The following FAAH2 variants were observed in gnomAD, a reference collection of about 807,000 sequenced individuals.
FAAH2 encodes the protein fatty acid amide hydrolase 2.
A neutral mutation model predicts 36.9 loss-of-function variants in FAAH2; 60 were observed. The observed-to-expected ratio is 1.63, with a 90% CI of 1.32 to 2.02. The LOEUF (loss-of-function observed/expected upper bound fraction) is 2.02, where lower values mean the gene tolerates loss of function less well. Ranked by LOEUF, FAAH2 falls within the 30% of genes most tolerant of loss-of-function variation. FAAH2 has a pLI of 0.00. For missense variants in FAAH2, 689 were observed against 397.5 expected (o/e 1.73, Z -6.23); for synonymous variants, 214 against 143.8 (o/e 1.49, Z -3.49).
the FAAH2 span, among the ~76,000 whole-genome samples, chrX:57,211,415 C>A: frequency 1.9e-3 from 208 of 111,641 alleles, no homozygotes; most frequent in Non-Finnish European, 3.0e-3. Context: ...GAGTGTGATC[C>A]TGCCTTGCCT....
At chrX:57,462,561 A>G (rs1017202490) in intron 10 of FAAH2, among the ~76,000 whole-genome samples, 2 of 112,624 alleles carry the variant, frequency 1.8e-5, no homozygotes, top group African/African-American at 6.5e-5. Context: ...TAAAAAACAC[A>G]TGATTATCTC....
At chrX:57,150,212 G>T in the FAAH2 span, among the ~76,000 whole-genome samples, 1 of 112,020 alleles carries the variant, frequency 8.9e-6, no homozygotes. Flanking sequence ...GGTGTGATGT[G>T]GTGCTGAAAA....
the FAAH2 span, among the ~76,000 whole-genome samples, chrX:57,165,694 TAATA>T: frequency 3.6e-5 from 4 of 110,350 alleles, no homozygotes; most frequent in East Asian, 1.1e-3. Flanking sequence ...AGTATAGTAA[TAATA>T]AATATATAAA....
chrX:57,349,605 G>A (rs1470714334), intron 5 of FAAH2, among the ~76,000 whole-genome samples: 1 of 104,677 alleles, frequency 9.6e-6, no homozygotes, highest in Non-Finnish European at 2.0e-5. Context: ...ATTAATTTAA[G>A]GAAATACAAA....
chrX:57,470,251 G>T (rs966100154), intron 10 of FAAH2, among the ~76,000 whole-genome samples: 1 of 111,007 alleles, frequency 9.0e-6, no homozygotes, highest in African/African-American at 3.3e-5. Flanking sequence ...ACTCAGATCA[G>T]AGAAAAACTG....
At chrX:57,351,043 TTCA>T (rs2053985529) in intron 5 of FAAH2, among the ~76,000 whole-genome samples, 1 of 111,492 alleles carries the variant, frequency 9.0e-6, no homozygotes, top group Non-Finnish European at 1.9e-5. Context: ...ATACATTCTT[TTCA>T]TCAACACATC....
At chrX:57,167,154 C>T in the FAAH2 span, among the ~76,000 whole-genome samples, 2 of 111,613 alleles carry the variant, frequency 1.8e-5, no homozygotes, top group South Asian at 7.6e-4. Context: ...GCTTTGCAAA[C>T]GTCTCTAGTT....
the FAAH2 span, among the ~76,000 whole-genome samples, chrX:57,259,329 T>C: frequency 1.8e-5 from 2 of 111,729 alleles, no homozygotes; most frequent in African/African-American, 6.5e-5. Flanking sequence ...TTATTTGCAA[T>C]AGCTAAGATA....
At chrX:57,279,484 G>A in the FAAH2 span, among the ~76,000 whole-genome samples, 1 of 111,577 alleles carries the variant, frequency 9.0e-6, no homozygotes, top group Non-Finnish European at 1.9e-5. Context: ...GATAACATTA[G>A]GAGAAATACC....
At chrX:57,428,865 A>C (rs1010525052) in intron 7 of FAAH2, among the ~76,000 whole-genome samples, 9 of 112,364 alleles carry the variant, frequency 8.0e-5, no homozygotes, top group Non-Finnish European at 1.5e-4. Flanking sequence ...ACAAATGCAC[A>C]ATACCAAAAA....
At chrX:57,393,634 A>G in intron 7 of FAAH2, 1 of 938,330 alleles carries the variant, frequency 1.1e-6, no homozygotes, top group Non-Finnish European at 1.5e-6. Flanking sequence ...TCACCCCCAG[A>G]TCTTCAGCAC....
At chrX:57,441,998 C>T (rs1248708321) in intron 8 of FAAH2, among the ~76,000 whole-genome samples, 7 of 111,529 alleles carry the variant, frequency 6.3e-5, no homozygotes, top group African/African-American at 2.3e-4. Context: ...TTCTGTTCTT[C>T]TACATTTGCT....
chrX:57,374,255 C>T (rs749486019), intron 5 of FAAH2, among the ~76,000 whole-genome samples: 1 of 111,464 alleles, frequency 9.0e-6, no homozygotes, highest in Non-Finnish European at 1.9e-5. Flanking sequence ...GAAGAATGAT[C>T]ATGGTATTTT....
the FAAH2 span, among the ~76,000 whole-genome samples, chrX:57,163,127 G>T: frequency 3.6e-5 from 4 of 112,006 alleles, no homozygotes; most frequent in South Asian, 3.7e-4. Flanking sequence ...GCCCTGTGAG[G>T]TGTCAGTGTG....
intron 10 of FAAH2, among the ~76,000 whole-genome samples, chrX:57,473,025 A>G (rs1300454704): frequency 9.0e-6 from 1 of 110,608 alleles, no homozygotes; most frequent in African/African-American, 3.3e-5. Flanking sequence ...TGTGGTCTCA[A>G]TCCTATTTAG....
intron 7 of FAAH2, among the ~76,000 whole-genome samples, chrX:57,410,233 A>G (rs1483472516): frequency 2.7e-5 from 3 of 111,289 alleles, no homozygotes; most frequent in African/African-American, 9.8e-5. Flanking sequence ...GATACTTCAT[A>G]CGATTTTGAT....
At chrX:57,466,128 ATCTC>A (rs66516710) in intron 10 of FAAH2, among the ~76,000 whole-genome samples, 324 of 70,626 alleles carry the variant, frequency 4.6e-3, no homozygotes, top group South Asian at 0.028. Context: ...TTGTTGGATT[ATCTC>A]TCTCTCTCTC....
chrX:57,140,100 T>TCTAGG, the FAAH2 span, among the ~76,000 whole-genome samples: 1 of 111,713 alleles, frequency 9.0e-6, no homozygotes, highest in Non-Finnish European at 1.9e-5. Context: ...TCTAGGTATT[T>TCTAGG]TATATTTTGT....
chrX:57,187,714 G>A, the FAAH2 span, among the ~76,000 whole-genome samples: 2 of 111,078 alleles, frequency 1.8e-5, no homozygotes, highest in East Asian at 2.8e-4. Context: ...GTCACAAATA[G>A]CCCTTATTAT....
Sources: allele counts gnomAD v4.1 joint callset (sites outside exome capture counted in the v4.1 genomes callset), GRCh38; gene constraint gnomAD v4.1.1; transcripts MANE v1.5; gene names NCBI Gene and HGNC (gene_info 2026-07-23, HGNC 2026-07-21).